The following DPP10 variants were observed in gnomAD, a reference collection of about 807,000 sequenced individuals.
The protein encoded by DPP10 is inactive dipeptidyl peptidase 10.
Under a neutral mutation model 120.9 loss-of-function variants are expected in DPP10, and 33 were observed. The ratio of observed to expected loss-of-function variants is 0.27; its 90% CI spans 0.21 to 0.37. The LOEUF (loss-of-function observed/expected upper bound fraction) is 0.37. Among genes scored for constraint, DPP10 ranks in the 10% least tolerant of loss-of-function variants. DPP10 has a pLI of 1.00. For synonymous variants in DPP10, 337 were observed against 326.1 expected, an observed-to-expected ratio of 1.03 and a Z score of -0.36; for missense variants, 816 against 942.8, an observed-to-expected ratio of 0.87 and a Z score of 1.76.
At chr2:115,264,286 C>A (rs973793966) in intron 1 of DPP10, among the ~76,000 whole-genome samples, 1 of 152,088 alleles carries the variant, frequency 6.6e-6, no homozygotes. Flanking sequence ...CAAAATTTAT[C>A]CCTCACTGAA....
At chr2:114,615,087 C>A (rs1693578078) in intron 1 of DPP10, among the ~76,000 whole-genome samples, 2 of 152,094 alleles carry the variant, frequency 1.3e-5, no homozygotes, top group South Asian at 4.1e-4. Flanking sequence ...ATGCATCTAT[C>A]AGGGGATGGT....
At chr2:115,630,842 A>G (rs2085793277) in intron 5 of DPP10, among the ~76,000 whole-genome samples, 1 of 152,182 alleles carries the variant, frequency 6.6e-6, no homozygotes, top group African/African-American at 2.4e-5. Context: ...GATGTTTGTC[A>G]GGCATTGATA....
chr2:114,932,713 A>T (rs1652469580), intron 1 of DPP10, among the ~76,000 whole-genome samples: 1 of 152,206 alleles, frequency 6.6e-6, no homozygotes, highest in African/African-American at 2.4e-5. Flanking sequence ...AATGTTGTAC[A>T]TCTTCACCTG....
intron 5 of DPP10, among the ~76,000 whole-genome samples, chr2:115,594,191 G>A (rs2149188079): frequency 6.6e-6 from 1 of 152,224 alleles, no homozygotes; most frequent in Non-Finnish European, 1.5e-5. Context: ...CCTTCCAGCT[G>A]AAGCCATGCT....
chr2:114,983,877 T>G (rs1700239782), intron 1 of DPP10, among the ~76,000 whole-genome samples: 2 of 152,236 alleles, frequency 1.3e-5, no homozygotes, highest in Non-Finnish European at 1.5e-5. Flanking sequence ...ATTTACCTGT[T>G]GTCATACAGG....
chr2:115,834,126 G>A (rs926158087), intron 21 of DPP10, among the ~76,000 whole-genome samples: 2 of 152,094 alleles, frequency 1.3e-5, no homozygotes, highest in Admixed American at 1.3e-4. Flanking sequence ...AAGCTTCTGA[G>A]TACTATCTAA....
chr2:115,818,942 A>G (rs1014434171), intron 21 of DPP10, among the ~76,000 whole-genome samples: 3 of 152,230 alleles, frequency 2.0e-5, no homozygotes, highest in Non-Finnish European at 2.9e-5. Flanking sequence ...ACAAATATGC[A>G]TATCTGTGAC....
chr2:115,200,117 CTTCATCTAGT>C (rs2055588862), intron 1 of DPP10, among the ~76,000 whole-genome samples: 1 of 152,168 alleles, frequency 6.6e-6, no homozygotes, highest in African/African-American at 2.4e-5. Flanking sequence ...TTCCCCCACA[CTTCATCTAGT>C]TTGAAGCAAG....
chr2:114,815,579 C>A (rs1350808435), intron 1 of DPP10, among the ~76,000 whole-genome samples: 1 of 152,122 alleles, frequency 6.6e-6, no homozygotes, highest in Non-Finnish European at 1.5e-5. Context: ...TTAATAGGAG[C>A]AATTATAGGA....
chr2:115,817,575 AT>A (rs1353733470), intron 21 of DPP10, among the ~76,000 whole-genome samples: 1 of 152,244 alleles, frequency 6.6e-6, no homozygotes, highest in Non-Finnish European at 1.5e-5. Flanking sequence ...TGTCAGCAAT[AT>A]TCAACAGATA....
intron 5 of DPP10, among the ~76,000 whole-genome samples, chr2:115,642,777 TC>T (rs1445368978): frequency 1.3e-5 from 2 of 152,102 alleles, no homozygotes; most frequent in African/African-American, 4.8e-5. Flanking sequence ...GTCCTGTTTC[TC>T]TGGAGCATTC....
chr2:114,955,406 G>A (rs567019492), intron 1 of DPP10, among the ~76,000 whole-genome samples: 2 of 152,274 alleles, frequency 1.3e-5, no homozygotes, highest in South Asian at 2.1e-4. Context: ...TTAACCGTCC[G>A]ATAATGCAGC....
intron 1 of DPP10, among the ~76,000 whole-genome samples, chr2:115,195,624 T>C (rs1338604616): frequency 2.0e-5 from 3 of 152,198 alleles, no homozygotes; most frequent in African/African-American, 7.2e-5. Flanking sequence ...TTTACAGAAA[T>C]TATTATTACT....
intron 5 of DPP10, among the ~76,000 whole-genome samples, chr2:115,566,513 T>G (rs1034051178): frequency 6.6e-6 from 1 of 152,158 alleles, no homozygotes; most frequent in African/African-American, 2.4e-5. Context: ...CTATTAAGAT[T>G]CGTTTTGATG....
intron 1 of DPP10, chr2:115,064,677 A>T (rs533635502): frequency 7.7e-7 from 1 of 1,296,150 alleles, no homozygotes; most frequent in African/African-American, 1.5e-5. Context: ...TGAGTGAGTG[A>T]CATGCAAGGA....
chr2:115,166,048 A>G (rs2052813764), intron 1 of DPP10, among the ~76,000 whole-genome samples: 1 of 152,244 alleles, frequency 6.6e-6, no homozygotes, highest in Admixed American at 6.5e-5. Context: ...TCTCTGAAAT[A>G]TCGATGTGCT....
intron 3 of DPP10, among the ~76,000 whole-genome samples, chr2:115,497,936 A>G (rs1005283575): frequency 6.7e-6 from 1 of 148,472 alleles, no homozygotes; most frequent in African/African-American, 2.4e-5. Flanking sequence ...AGGAAAACAG[A>G]TAAAGTTAAT....
chr2:115,111,001 C>A (rs926555296), intron 1 of DPP10, among the ~76,000 whole-genome samples: 1 of 151,924 alleles, frequency 6.6e-6, no homozygotes, highest in Admixed American at 6.6e-5. Context: ...ACAATAAAAA[C>A]GACATTTATG....
intron 5 of DPP10, among the ~76,000 whole-genome samples, chr2:115,580,703 A>C (rs1350633276): frequency 6.6e-6 from 1 of 152,204 alleles, no homozygotes; most frequent in Non-Finnish European, 1.5e-5. Flanking sequence ...TCACTCAAAT[A>C]TCAACACTTT....
Sources: gnomAD v4.1 joint callset for allele counts (sites outside exome capture counted in the v4.1 genomes callset) on GRCh38, gnomAD v4.1.1 for gene constraint, MANE v1.5 for transcripts, NCBI Gene and HGNC (gene_info 2026-07-23, HGNC 2026-07-21) for gene names.